Variants in RFX8 observed in about 807,000 individuals in gnomAD.
RFX8 encodes DNA-binding protein RFX8.
In RFX8, 46 loss-of-function variants were observed where a neutral mutation model predicts 54.6. That is an observed-to-expected ratio of 0.84 (90% CI 0.67 to 1.08). The LOEUF is 1.08. Ranked by LOEUF, RFX8 falls within the 50% of genes least tolerant of loss-of-function variation. The probability of loss-of-function intolerance (pLI) is 0.00; values close to 1 mark genes in which losing one functional copy is unlikely to be tolerated. For synonymous variants in RFX8, 192 were observed against 209.5 expected (o/e 0.92, Z 0.72); for missense variants, 536 against 562.3 (o/e 0.95, Z 0.47).
At chr2:101,432,775 G>A (rs1454020728) in intron 2 of RFX8, among the ~76,000 whole-genome samples, 1 of 152,202 alleles carries the variant, frequency 6.6e-6, no homozygotes, top group East Asian at 1.9e-4. Context: ...GTGAAGGAAG[G>A]GCTTCCAGTC....
chr2:101,447,492 CTTCT>C lies in RFX8; in HGVS notation c.72+19281_72+19284del, dbSNP rs375201341. ...AAAAGTTTGCTCTTTGCTGCTTCTT[CTTCT>C]TTTTTAACATACTAATTGTATACAT... On this transcript the variant is annotated intron_variant, in intron 2 of 11. Transcript: ENST00000428343. Among the ~76,000 whole-genome samples, 35 of 152,286 alleles carry C rather than the reference CTTCT, an allele frequency of 2.3e-4. No individual in the cohort carries two copies. The East Asian group carries it at 6.4e-3, about 28-fold the overall frequency.
chr2:101,469,093 A>T (rs2056068), intron 1 of RFX8, among the ~76,000 whole-genome samples: 1,697 of 13,998 alleles, frequency 0.12, 28 homozygotes, highest in East Asian at 0.2. Context: ...TATATATATA[A>T]GTATATATAT....
chr2:101,419,559 T>C (rs1686737850), intron 4 of RFX8, among the ~76,000 whole-genome samples: 1 of 152,228 alleles, frequency 6.6e-6, no homozygotes, highest in Non-Finnish European at 1.5e-5. Flanking sequence ...TTCCGTTCTT[T>C]AACCAGGTGA....
intron 2 of RFX8, among the ~76,000 whole-genome samples, chr2:101,460,623 A>G (rs1456357174): frequency 6.6e-6 from 1 of 152,070 alleles, no homozygotes. Context: ...CAAAACACAG[A>G]GCAGGGAAGC....
chr2:101,468,721 T>C (rs1689719144), intron 1 of RFX8, among the ~76,000 whole-genome samples: 1 of 151,900 alleles, frequency 6.6e-6, no homozygotes, highest in Non-Finnish European at 1.5e-5. Context: ...ATTCTGAGGT[T>C]CCGGGTGGAC....
At chr2:101,401,361 C>A (rs1685434736) in intron 11 of RFX8, among the ~76,000 whole-genome samples, 1 of 152,096 alleles carries the variant, frequency 6.6e-6, no homozygotes, top group South Asian at 2.1e-4. Context: ...GGAGAACTCG[C>A]AATGAGAGTC....
Position 101,440,356 on chromosome 2 carries a change from G to C in RFX8, c.73-17884C>G, listed in dbSNP as rs201937259. Among the ~76,000 whole-genome samples, 10 of 152,270 alleles carry C rather than the reference G, an allele frequency of 6.6e-5. No individual in the cohort carries two copies. In the East Asian group the frequency reaches 1.9e-3, roughly 29 times the overall value. On this transcript the variant is annotated intron_variant, in intron 2 of 11. Coordinates refer to ENST00000428343, the MANE Select transcript of RFX8 (RefSeq NM_001145664.2). Reference sequence around the variant, plus strand: ...TTAGCTGATAAGAGTGGCTCCCTGTGCCTAGACTGTACAAACAATATGGTT... The same window carrying C: ...TTAGCTGATAAGAGTGGCTCCCTGTCCCTAGACTGTACAAACAATATGGTT...
intron 3 of RFX8, among the ~76,000 whole-genome samples, chr2:101,422,021 C>T (rs142603852): frequency 3.3e-5 from 5 of 152,248 alleles, no homozygotes; most frequent in Non-Finnish European, 5.9e-5. Flanking sequence ...TTTATTCTAC[C>T]ACTACAAAGG....
intron 2 of RFX8, among the ~76,000 whole-genome samples, chr2:101,429,858 G>A (rs1481568228): frequency 6.6e-6 from 1 of 152,212 alleles, no homozygotes; most frequent in East Asian, 1.9e-4. Flanking sequence ...GGACCTGGGA[G>A]GAGGTGGGAG....
chr2:101,465,278 G>A (rs1242419961), intron 2 of RFX8, among the ~76,000 whole-genome samples: 3 of 152,098 alleles, frequency 2.0e-5, no homozygotes, highest in Non-Finnish European at 4.4e-5. Flanking sequence ...TTAGGGAGGC[G>A]GGCAGATCAC....
chr2:101,470,927 G>C (rs552035557), intron 1 of RFX8, among the ~76,000 whole-genome samples: 16 of 150,226 alleles, frequency 1.1e-4, no homozygotes, highest in Non-Finnish European at 2.4e-4. Context: ...CACCGTGTTA[G>C]CCAGGATGGT....
intron 2 of RFX8, among the ~76,000 whole-genome samples, chr2:101,436,838 T>G (rs1223335346): frequency 2.6e-5 from 4 of 152,180 alleles, no homozygotes; most frequent in African/African-American, 9.7e-5. Flanking sequence ...GGAGCCCTGC[T>G]CTGGTTCTGT....
rs538440830 is a variant in RFX8 at position 101,465,084 on chromosome 2, A to G, written c.72+1693T>C. On this transcript the variant is annotated intron_variant, in intron 2 of 11. Coordinates refer to ENST00000428343, the MANE Select transcript of RFX8 (RefSeq NM_001145664.2). ...GCTGGGGGAATTCCCAGCTACTGGG[A>G]AAAGCTTAGAGTCACCTAGCAAGAT... Among the ~76,000 whole-genome samples, 3 of 152,296 alleles carry G rather than the reference A, an allele frequency of 2.0e-5. No individual in the cohort carries two copies. The South Asian group carries it at 6.2e-4, about 32-fold the overall frequency.
intron 2 of RFX8, among the ~76,000 whole-genome samples, chr2:101,446,566 G>A (rs1221840144): frequency 2.0e-5 from 3 of 152,090 alleles, no homozygotes; most frequent in Non-Finnish European, 4.4e-5. Context: ...TGTCACTCTT[G>A]CCTTTATCTT....
intron 2 of RFX8, among the ~76,000 whole-genome samples, chr2:101,463,064 G>T (rs938324313): frequency 6.6e-6 from 1 of 152,132 alleles, no homozygotes; most frequent in Non-Finnish European, 1.5e-5. Flanking sequence ...TTATCTGTCC[G>T]TCCATCACCC....
Position 101,413,076 on chromosome 2 carries a change from A to G in RFX8, c.562-5T>C. 1.3e-6 allele frequency: 2 copies of G among 1,550,978 alleles called. No homozygotes were observed. Among genetic ancestry groups the G allele is most frequent in the Non-Finnish European group, 1.7e-6 (2 of 1,146,602 alleles). ...TTTCAATACCATTCGCATAGTCTAA[A>G]GATAACAGGGAGGCATAATACTTAA... On this transcript the variant is annotated splice_polypyrimidine_tract_variant and splice_region_variant and intron_variant, in intron 7 of 11. Transcript: ENST00000428343.
intron 2 of RFX8, among the ~76,000 whole-genome samples, chr2:101,459,086 CTGTT>C (rs1203909885): frequency 6.6e-6 from 1 of 152,168 alleles, no homozygotes; most frequent in Non-Finnish European, 1.5e-5. Flanking sequence ...CTTCTCTACA[CTGTT>C]TATTCTAGTT....
rs1553459153 is a variant in RFX8, at chr2:101,461,279, A to AAAAAAG, written c.72+5497_72+5498insCTTTTT. ...CTCCATCTCAAAAAAAAAAAAAAAA[A>AAAAAAG]AAAGAAAGAAAAAGAAAAAGAAAAG... On this transcript the variant is annotated intron_variant, in intron 2 of 11. Transcript: ENST00000428343. Among the ~76,000 whole-genome samples, 211 of 124,706 alleles carry AAAAAAG rather than the reference A, an allele frequency of 1.7e-3. 4 individuals are homozygous for AAAAAAG. In the East Asian group the frequency reaches 0.03, roughly 18 times the overall value. The allele number at this position is 124,706 out of a possible 152,430, so 81.8% of individuals were successfully genotyped here.
intron 2 of RFX8, 109 bp downstream of exon 2, chr2:101,466,668 A>G (rs1262678603): frequency 2.5e-6 from 2 of 798,852 alleles, no homozygotes; most frequent in South Asian, 2.9e-5. Context: ...AGCCAAAGAT[A>G]CCCACTGAAA....
Sources: allele counts gnomAD v4.1 joint callset (sites outside exome capture counted in the v4.1 genomes callset), GRCh38; gene constraint gnomAD v4.1.1; transcripts MANE v1.5; gene names NCBI Gene and HGNC (gene_info 2026-07-23, HGNC 2026-07-21).